MME: variants seen among roughly 807,000 people sequenced by gnomAD.
The protein encoded by MME is membrane metalloendopeptidase.
MME carries 98 observed loss-of-function variants against 113.2 expected under a neutral mutation model. That is an observed-to-expected ratio of 0.87 (90% confidence interval 0.74 to 1.02). The LOEUF (loss-of-function observed/expected upper bound fraction) is 1.02. Among genes scored for constraint, MME ranks in the 50% least tolerant of loss-of-function variants. The pLI is 0.00. For synonymous variants in MME, 292 were observed against 300.6 expected (o/e 0.97, Z 0.30); for missense variants, 836 against 896.0 (o/e 0.93, Z 0.86).
At chr3:155,104,441 C>G (rs190906087) in intron 3 of MME, among the ~76,000 whole-genome samples, 11 of 152,226 alleles carry the variant, frequency 7.2e-5, no homozygotes, top group African/African-American at 2.6e-4. Flanking sequence ...AGAAAAGAGC[C>G]TTTTTAGAAT....
intron 1 of MME, among the ~76,000 whole-genome samples, chr3:155,041,803 C>G (rs115155712): frequency 0.025 from 3,875 of 152,154 alleles, 77 homozygotes; most frequent in South Asian, 0.089. Context: ...AAGATGAAAA[C>G]TTTAAATTCT....
Position 155,141,252 on chromosome 3 carries a change from G to A in MME, c.958-739G>A, listed in dbSNP as rs893337533. On this transcript the variant is annotated intron_variant, in intron 10 of 22. Coordinates refer to ENST00000360490, the MANE Select transcript of MME (RefSeq NM_007289.4). ...AATATAATAAGTGTTTAATAAATAC[G>A]TTTTGAAAGAATGACCTAAACCACC... 6.6e-5 allele frequency among the ~76,000 whole-genome samples: 10 copies of A among 152,258 alleles called. No individual in the cohort carries two copies. In the South Asian group the frequency reaches 1.0e-3, roughly 16 times the overall value.
At chr3:155,159,301 G>C (rs577998094) in intron 16 of MME, among the ~76,000 whole-genome samples, 1 of 152,016 alleles carries the variant, frequency 6.6e-6, no homozygotes, top group African/African-American at 2.4e-5. Flanking sequence ...CCTTCTGTGA[G>C]TAGGATAATT....
At chr3:155,094,369 G>A (rs1716542041) in intron 3 of MME, among the ~76,000 whole-genome samples, 1 of 152,158 alleles carries the variant, frequency 6.6e-6, no homozygotes, top group African/African-American at 2.4e-5. Flanking sequence ...AAACAGCAAA[G>A]ACTAACGACA....
At chr3:155,051,254 A>T (rs1713755022) in intron 1 of MME, among the ~76,000 whole-genome samples, 1 of 152,126 alleles carries the variant, frequency 6.6e-6, no homozygotes, top group African/African-American at 2.4e-5. Flanking sequence ...AGAAGCCAAA[A>T]ATTTAGATGA....
At chr3:155,154,544 C>A (rs1397326198) in intron 16 of MME, among the ~76,000 whole-genome samples, 1 of 152,132 alleles carries the variant, frequency 6.6e-6, no homozygotes, top group Non-Finnish European at 1.5e-5. Flanking sequence ...GTGAAGTTTT[C>A]ATAAGAGCCA....
At chr3:155,153,859 G>A (rs1722126224) in intron 16 of MME, among the ~76,000 whole-genome samples, 1 of 152,102 alleles carries the variant, frequency 6.6e-6, no homozygotes, top group African/African-American at 2.4e-5. Flanking sequence ...ATGACAAAGA[G>A]GAGAACAAGA....
rs184666602 is a variant in MME at position 155,168,763 on chromosome 3, T to G, written c.1946T>G (p.Ile649Ser). ...GGAATTAATACACTGGGAGAAAACA[T>G]TGCTGATAATGGAGGTCTTGGTCAA... ...LNGINTLGEN[I>S]ADNGGLGQAY... The change falls in exon 20 of 23, where the codon ATT becomes AGT. Residue 649 changes from isoleucine to serine, a missense_variant. Transcript: ENST00000360490. 176 of 1,613,334 alleles carry G rather than the reference T, an allele frequency of 1.1e-4. No homozygotes were observed. Among genetic ancestry groups the G allele is most frequent in the Non-Finnish European group, 1.4e-4 (163 of 1,179,542 alleles).
chr3:155,025,689 CT>C (rs775452382), intron 1 of MME, among the ~76,000 whole-genome samples: 219 of 109,058 alleles, frequency 2.0e-3, no homozygotes, highest in African/African-American at 5.3e-3. Flanking sequence ...TTCTTTCTTT[CT>C]TTTTTTTTTT....
chr3:155,092,022 G>C (rs1559911938), intron 3 of MME, among the ~76,000 whole-genome samples: 1 of 152,144 alleles, frequency 6.6e-6, no homozygotes, highest in South Asian at 2.1e-4. Context: ...GAGTTCTGAT[G>C]TCTAAGAACA....
At chr3:155,172,719 A>C (rs1576674018) in intron 22 of MME, 107 bp downstream of exon 22, 1 of 814,256 alleles carries the variant, frequency 1.2e-6, no homozygotes, top group African/African-American at 2.1e-5. Flanking sequence ...TTGGAAATTC[A>C]GTGCTTTTTT....
In MME at chr3:155,166,900, A is replaced by G. The variant is rs1723135630; in HGVS notation, c.1661-2A>G. The G allele has an allele frequency of 1.2e-6, 2 of 1,613,602 alleles. No homozygotes were observed. The highest frequency in any genetic ancestry group is 1.7e-6 in the Non-Finnish European group (2 of 1,179,684). On this transcript the variant is annotated splice_acceptor_variant, in intron 17 of 22. Transcript: ENST00000360490. LOFTEE classifies it high-confidence loss of function. Reference sequence around the variant, plus strand: ...ATCTCTAACTATCTTCTCTCCTTGTAGTCTTCCCAGCCGGCATTCTGCAGC... The same window carrying G: ...ATCTCTAACTATCTTCTCTCCTTGTGGTCTTCCCAGCCGGCATTCTGCAGC...
chr3:155,147,604 A>G (rs753824689), intron 15 of MME, among the ~76,000 whole-genome samples: 1 of 152,188 alleles, frequency 6.6e-6, no homozygotes, highest in Admixed American at 6.6e-5. Flanking sequence ...GGAAAAACCA[A>G]TTCATGCCTA....
At chr3:155,125,179 TTCCAGGTGCGTCCG>T (rs1416093742) in intron 8 of MME, among the ~76,000 whole-genome samples, 2 of 148,472 alleles carry the variant, frequency 1.3e-5, no homozygotes, top group Non-Finnish European at 3.0e-5. Context: ...TGACCCGATT[TTCCAGGTGCGTCCG>T]TCACCCCTTT....
chr3:155,084,951 C>A, intron 2 of MME, 108 bp from the exon 3 acceptor site: 1 of 691,476 alleles, frequency 1.4e-6, no homozygotes, highest in Non-Finnish European at 2.5e-6. Context: ...TTAGTTCTTG[C>A]TTTAAGAAAT....
chr3:155,158,502 T>C (rs1306940956), intron 16 of MME: 1 of 152,120 alleles, frequency 6.6e-6, no homozygotes, highest in African/African-American at 2.4e-5. Flanking sequence ...ATTTTCCATT[T>C]TGACTTTCTT....
intron 10 of MME, 70 bp from the exon 11 acceptor site, chr3:155,141,921 T>C (rs1312173632): frequency 6.4e-7 from 1 of 1,555,632 alleles, no homozygotes; most frequent in African/African-American, 1.4e-5. Context: ...ACCCTCTAAC[T>C]ATAACTGAAT....
rs1720788491 is a variant in MME, at chr3:155,138,216, T to C, written c.835T>C (p.Leu279=). The change falls in exon 9 of 23, where the codon TTG becomes CTG. Residue 279 remains leucine (L), a synonymous_variant. Transcript: ENST00000360490. ...TTTGGAAATGAATAAAGTTATGGAA[T>C]TGGAAAAAGAAATTGCCAATGTAAA... ...LALEMNKVME[L]EKEIANATAK... The C allele has an allele frequency of 7.4e-6, 12 of 1,613,516 alleles. No individual in the cohort carries two copies. Among genetic ancestry groups the C allele is most frequent in the African/African-American group, 6.7e-5 (5 of 74,874 alleles).
intron 1 of MME, among the ~76,000 whole-genome samples, chr3:155,082,316 C>CG (rs893191513): frequency 2.0e-5 from 3 of 152,042 alleles, no homozygotes; most frequent in East Asian, 3.9e-4. Flanking sequence ...CTGACATATG[C>CG]GGGGGGAACA....
Sources: gnomAD v4.1 joint callset for allele counts (sites outside exome capture counted in the v4.1 genomes callset) on GRCh38, gnomAD v4.1.1 for gene constraint, MANE v1.5 for transcripts, NCBI Gene and HGNC (gene_info 2026-07-23, HGNC 2026-07-21) for gene names.